CARMIL1: variants seen among roughly 807,000 people sequenced by gnomAD.
The protein encoded by CARMIL1 is capping protein regulator and myosin 1 linker 1, also known as F-actin-uncapping protein LRRC16A.
In CARMIL1, 90 loss-of-function variants were observed where a neutral mutation model predicts 177.1. The ratio of observed to expected loss-of-function variants is 0.51; its 90% CI spans 0.43 to 0.61. CARMIL1 has a LOEUF of 0.61. CARMIL1 is among the 20% of genes least tolerant of loss of function. The pLI, the probability that CARMIL1 is intolerant of heterozygous loss-of-function variation, is 0.00. For synonymous variants in CARMIL1, 577 were observed against 606.2 expected, an observed-to-expected ratio of 0.95 and a Z score of 0.71; for missense variants, 1,380 against 1,667.0, an observed-to-expected ratio of 0.83 and a Z score of 3.00.
chr6:25,440,052 A>G (rs1199573907), intron 5 of CARMIL1, among the ~76,000 whole-genome samples: 1 of 152,164 alleles, frequency 6.6e-6, no homozygotes, highest in Non-Finnish European at 1.5e-5. Context: ...TTAAATCCCT[A>G]GTTCTTGGCA....
At chr6:25,434,561 G>T in intron 4 of CARMIL1, among the ~76,000 whole-genome samples, 1 of 116,310 alleles carries the variant, frequency 8.6e-6, no homozygotes, top group Non-Finnish European at 1.6e-5. Flanking sequence ...GTCTTGCTCT[G>T]TCATCAGGCT....
Position 25,279,404 on chromosome 6 carries a change from G to C in CARMIL1, c.-392G>C, listed in dbSNP as rs1408083565. 1 of 336,218 alleles carries C rather than the reference G, an allele frequency of 3.0e-6. No homozygotes were observed. Among genetic ancestry groups the C allele is most frequent in the Non-Finnish European group, 5.5e-6 (1 of 180,666 alleles). The allele number at this position is 336,218 out of a possible 1,614,324, so 20.8% of individuals were successfully genotyped here. A position where few individuals can be genotyped will look rare whatever the true frequency, so the allele number is the denominator to read the frequency against. On this transcript the variant is annotated 5_prime_UTR_variant, in exon 1 of 37. Transcript: ENST00000329474. ...CTCCCACGCCTTCCGCTTTCACCTAGGGCTGTAGGTGCGGCGCGGAGGCTG... is the reference window on the plus strand; with the variant it reads ...CTCCCACGCCTTCCGCTTTCACCTACGGCTGTAGGTGCGGCGCGGAGGCTG...
In CARMIL1 at chr6:25,514,729, C is replaced by T. The variant is rs151008169; in HGVS notation, c.1633-946C>T. 2.4e-4 allele frequency among the ~76,000 whole-genome samples: 37 copies of T among 152,090 alleles called. No individual in the cohort carries two copies. The East Asian group carries it at 6.4e-3, about 26-fold the overall frequency. ...TTGAGCCTGGGAGTTCAAGACCAGC[C>T]TTGGCAACATAGTGAGACCCTGTCT... On this transcript the variant is annotated intron_variant, in intron 20 of 36. Coordinates refer to ENST00000329474, the MANE Select transcript of CARMIL1 (RefSeq NM_017640.6).
At position 25,438,332 on chromosome 6, in the gene CARMIL1, A is replaced by G. The variant is rs538544725; in HGVS notation, c.371+2728A>G. Among the ~76,000 whole-genome samples the G allele has an allele frequency of 2.6e-5, 4 of 152,336 alleles. No individual in the cohort carries two copies. In the South Asian group the frequency reaches 8.3e-4, roughly 32 times the overall value. ...ATAGTGCTAAGTGTTGAGGTCCAGC[A>G]GTGAACATGGTCCCTGCCCACGTGG... On this transcript the variant is annotated intron_variant, in intron 5 of 36. Coordinates refer to ENST00000329474, the MANE Select transcript of CARMIL1 (RefSeq NM_017640.6).
chr6:25,580,777 G>T (rs778600009), intron 29 of CARMIL1, 147 bp from the exon 30 acceptor site: 21 of 611,602 alleles, frequency 3.4e-5, no homozygotes, highest in Non-Finnish European at 6.1e-5. Context: ...GAAATAGTTT[G>T]GTCTCTTCAG....
intron 2 of CARMIL1, among the ~76,000 whole-genome samples, chr6:25,353,471 T>C: frequency 6.6e-6 from 1 of 152,212 alleles, no homozygotes; most frequent in East Asian, 1.9e-4. Flanking sequence ...TGTCTAAATA[T>C]TTCTAGTCTT....
intron 2 of CARMIL1, among the ~76,000 whole-genome samples, chr6:25,293,255 A>G (rs907698465): frequency 1.7e-5 from 2 of 116,444 alleles, no homozygotes; most frequent in African/African-American, 5.8e-5. Flanking sequence ...GAGGGGAAAG[A>G]AGGATGCTTG....
chr6:25,390,481 G>A (rs753821002), intron 2 of CARMIL1, among the ~76,000 whole-genome samples: 4 of 150,712 alleles, frequency 2.7e-5, no homozygotes, highest in African/African-American at 7.3e-5. Flanking sequence ...GCCAACAAGC[G>A]AGCCTATTTT....
chr6:25,617,090 C>CT lies in CARMIL1; in HGVS notation c.3980-2357_3980-2356insT, dbSNP rs532898091. ...CACCATAGTGAAATTCTTTGACAGC[C>CT]CTCTTGAAATAATATATTATTTTTC... On this transcript the variant is annotated intron_variant, in intron 36 of 36. Transcript: ENST00000329474. Among the ~76,000 whole-genome samples, 168 of 152,160 alleles carry CT rather than the reference C, an allele frequency of 1.1e-3. 4 individuals carry two copies. In the South Asian group the frequency reaches 0.014, roughly 13 times the overall value.
intron 2 of CARMIL1, among the ~76,000 whole-genome samples, chr6:25,334,840 G>A (rs1786049487): frequency 6.6e-6 from 1 of 152,186 alleles, no homozygotes; most frequent in South Asian, 2.1e-4. Flanking sequence ...CAAATCTTTA[G>A]TTGGCCAGTC....
At chr6:25,556,115 A>G (rs1810587804) in intron 28 of CARMIL1, among the ~76,000 whole-genome samples, 1 of 152,204 alleles carries the variant, frequency 6.6e-6, no homozygotes, top group African/African-American at 2.4e-5. Context: ...TGGACTTGCC[A>G]ACTGGTTTTC....
intron 27 of CARMIL1, 70 bp downstream of exon 27, chr6:25,551,155 G>A: frequency 7.9e-7 from 1 of 1,264,892 alleles, no homozygotes; most frequent in South Asian, 1.4e-5. Flanking sequence ...GCTGTAAAGA[G>A]GGTTATTGTT....
At chr6:25,574,424 G>C (rs1812403877) in intron 29 of CARMIL1, among the ~76,000 whole-genome samples, 1 of 152,272 alleles carries the variant, frequency 6.6e-6, no homozygotes, top group Non-Finnish European at 1.5e-5. Flanking sequence ...CTTATTCACT[G>C]CTAGACCCAC....
chr6:25,299,115 G>A (rs557525869), intron 2 of CARMIL1, among the ~76,000 whole-genome samples: 61 of 151,006 alleles, frequency 4.0e-4, no homozygotes, highest in African/African-American at 1.5e-3. Context: ...TGAGTTCATT[G>A]GTGTGTGTGG....
intron 2 of CARMIL1, among the ~76,000 whole-genome samples, chr6:25,285,294 T>C (rs1017407341): frequency 6.6e-6 from 1 of 152,222 alleles, no homozygotes; most frequent in African/African-American, 2.4e-5. Flanking sequence ...TCATCTCATG[T>C]TGGTTTAATT....
intron 2 of CARMIL1, among the ~76,000 whole-genome samples, chr6:25,384,448 G>A (rs1369173981): frequency 1.3e-5 from 2 of 152,166 alleles, no homozygotes; most frequent in African/African-American, 2.4e-5. Flanking sequence ...TGTACAATAG[G>A]TACTCAGGTG....
chr6:25,477,761 T>C (rs80023057), intron 11 of CARMIL1, among the ~76,000 whole-genome samples: 23,500 of 152,102 alleles, frequency 0.15, 2,201 homozygotes, highest in South Asian at 0.25. Context: ...GCAAATTCTG[T>C]GTTCTGTTTT....
chr6:25,365,465 T>C (rs184612031), intron 2 of CARMIL1, among the ~76,000 whole-genome samples: 17 of 152,344 alleles, frequency 1.1e-4, no homozygotes, highest in African/African-American at 3.6e-4. Flanking sequence ...AATGCATACA[T>C]TTCTATTTAT....
Position 25,594,528 on chromosome 6 carries a change from G to A in CARMIL1, c.3119+1G>A. On this transcript the variant is annotated splice_donor_variant, in intron 32 of 36. Coordinates refer to ENST00000329474, the MANE Select transcript of CARMIL1 (RefSeq NM_017640.6). LOFTEE classifies it high-confidence loss of function. Reference sequence around the variant, plus strand: ...AGAAGGTGACCAAAATGGATTCCAAGTGAGTTCAGAGTAATTTCACTGATA... The same window carrying A: ...AGAAGGTGACCAAAATGGATTCCAAATGAGTTCAGAGTAATTTCACTGATA... 5 of 1,543,694 alleles carry A rather than the reference G, an allele frequency of 3.2e-6. No homozygotes were observed. The highest frequency in any genetic ancestry group is 4.5e-6 in the Non-Finnish European group (5 of 1,117,346).
Sources: gnomAD v4.1 joint callset for allele counts (sites outside exome capture counted in the v4.1 genomes callset) on GRCh38, gnomAD v4.1.1 for gene constraint, MANE v1.5 for transcripts, NCBI Gene and HGNC (gene_info 2026-07-23, HGNC 2026-07-21) for gene names.